Variants in CPA1 observed in about 807,000 individuals in gnomAD.
CPA1 encodes the protein carboxypeptidase A1.
CPA1 carries 42 observed loss-of-function variants against 48.7 expected under a neutral mutation model. The ratio of observed to expected loss-of-function variants is 0.86; its 90% CI spans 0.67 to 1.11. CPA1 has a LOEUF of 1.11. Among genes scored for constraint, CPA1 ranks in the 50% most tolerant of loss-of-function variants. The pLI is 0.00. For missense variants in CPA1, 477 were observed against 544.7 expected, an observed-to-expected ratio of 0.88 and a Z score of 1.24; for synonymous variants, 203 against 217.9, an observed-to-expected ratio of 0.93 and a Z score of 0.60.
In CPA1 at chr7:130,383,503, G is replaced by A. The variant is rs1183786457; in HGVS notation, c.585+11G>A. The A allele has an allele frequency of 4.4e-6, 7 of 1,607,636 alleles. No homozygotes were observed. Among genetic ancestry groups the A allele is most frequent in the Non-Finnish European group, 6.0e-6 (7 of 1,174,674 alleles). The stretch of plus-strand genomic sequence containing the variant: ...TGGTTTGCAAAGAAGGTAAGGCCGG[G>A]GAGGTGAGGAGGGCTCTCACCTGGT... On this transcript the variant is annotated intron_variant, in intron 5 of 9. Coordinates refer to ENST00000011292, the MANE Select transcript of CPA1 (RefSeq NM_001868.4).
Position 130,382,145 on chromosome 7 carries a change from C to G in CPA1, c.419C>G (p.Pro140Arg), listed in dbSNP as rs1186893434. 5.6e-6 allele frequency: 9 copies of G among 1,614,206 alleles called. No homozygotes were observed. In the East Asian group the frequency reaches 2.0e-4, roughly 36 times the overall value. Reference sequence around the variant, plus strand: ...CTGGACCTGCTGGTGGCGGAGAACCCGCACCTTGTCAGCAAGATCCAGATT... The same window carrying G: ...CTGGACCTGCTGGTGGCGGAGAACCGGCACCTTGTCAGCAAGATCCAGATT... ...DFLDLLVAEN[P>R]HLVSKIQIGN... Residue 140 changes from proline (P) to arginine (R), a missense_variant, in exon 4 of 10, where the codon CCG (proline) becomes CGG (arginine). Transcript: ENST00000011292.
Position 130,381,152 on chromosome 7 carries a change from G to A in CPA1, c.120G>A (p.Lys40=). Residue 40 remains lysine (K), a synonymous_variant, in exon 2 of 10, where the codon AAG becomes AAA. Transcript: ENST00000011292. ...VADEAQVQKV[K]ELEDLEHLQL... is the part of the protein sequence containing the mutation. ...ATGAGGCCCAGGTACAGAAGGTGAA[G>A]GAGCTGGAGGACCTGGAGCACCTGC... 3 of 1,613,512 alleles carry A rather than the reference G, an allele frequency of 1.9e-6. No individual in the cohort carries two copies. Among genetic ancestry groups the A allele is most frequent in the Non-Finnish European group, 2.5e-6 (3 of 1,179,766 alleles).
chr7:130,384,695 T>C (rs1554411752), intron 7 of CPA1, 69 bp downstream of exon 7: 6 of 1,255,966 alleles, frequency 4.8e-6, no homozygotes, highest in East Asian at 4.9e-5. Flanking sequence ...CTGCTCTTGC[T>C]CCCCGCCTCT....
Position 130,383,371 on chromosome 7 carries a change from C to A in CPA1, c.484-20C>A, listed in dbSNP as rs369392256. 4.4e-6 allele frequency: 7 copies of A among 1,608,002 alleles called. No individual in the cohort carries two copies. The highest frequency in any genetic ancestry group is 6.0e-6 in the Non-Finnish European group (7 of 1,175,436). ...TCAGCTGTGAAATTGCCTCTGATCA[C>A]TCCCCTGCCTCCTCTCCAGTTCAGC... On this transcript the variant is annotated intron_variant, in intron 4 of 9. Transcript: ENST00000011292.
intron 2 of CPA1, among the ~76,000 whole-genome samples, chr7:130,381,411 G>T (rs1796402043): frequency 6.6e-6 from 1 of 152,056 alleles, no homozygotes; most frequent in Non-Finnish European, 1.5e-5. Context: ...TGTCTCAAAG[G>T]CCCCTCACTC....
chr7:130,387,465 G>C lies in CPA1; in HGVS notation c.1073-359G>C, dbSNP rs1270983977. ...TTCCCCCTCACAGACCAGAGCCCCA[G>C]GGGAACAAATCCTGGTTACCCAAGC... On this transcript the variant is annotated intron_variant, in intron 9 of 9. Coordinates refer to ENST00000011292, the MANE Select transcript of CPA1 (RefSeq NM_001868.4). The surrounding 1 kb of genome is among the most constrained non-coding windows in gnomAD (Gnocchi z 4.6). 2.6e-5 allele frequency among the ~76,000 whole-genome samples: 4 copies of C among 152,184 alleles called. No homozygotes were observed. Among genetic ancestry groups the C allele is most frequent in the African/African-American group, 9.6e-5 (4 of 41,460 alleles).
intron 4 of CPA1, 63 bp from the exon 5 acceptor site, chr7:130,383,328 G>A (rs951087233): frequency 1.7e-5 from 24 of 1,378,218 alleles, no homozygotes; most frequent in Non-Finnish European, 2.4e-5. Context: ...GTCTCCTTCA[G>A]GGCAGCAAGA....
At chr7:130,380,789 C>G in intron 1 of CPA1, 1 of 546,384 alleles carries the variant, frequency 1.8e-6, no homozygotes, top group South Asian at 2.7e-5. Flanking sequence ...CCTGGAGAAA[C>G]CTGAGCTCTG....
At chr7:130,382,340 T>C in intron 4 of CPA1, 131 bp downstream of exon 4, 1 of 685,610 alleles carries the variant, frequency 1.5e-6, no homozygotes. Context: ...ATGCAGACAT[T>C]TGGAAAGGCC....
intron 6 of CPA1, chr7:130,384,022 T>G (rs1796440964): frequency 1.1e-5 from 6 of 564,882 alleles, no homozygotes; most frequent in African/African-American, 1.9e-5. Flanking sequence ...ATCCTAACCT[T>G]ACACCCATTC....
rs782776885 is a variant in CPA1, at chr7:130,385,197, C to T, written c.839C>T (p.Ala280Val). 1 of 1,614,126 alleles carries T rather than the reference C, an allele frequency of 6.2e-7. No individual in the cohort carries two copies. Among genetic ancestry groups the T allele is most frequent in the African/African-American group, 1.3e-5 (1 of 74,942 alleles). The change falls in exon 8 of 10, where the codon GCC becomes GTC. Residue 280 changes from alanine (A) to valine (V), a missense_variant. Coordinates refer to ENST00000011292, the MANE Select transcript of CPA1 (RefSeq NM_001868.4). The part of the protein sequence containing the change: ...PCSETYHGKF[A>V]NSEVEVKSIV... The stretch of plus-strand genomic sequence containing the variant: ...TCGGAGACTTACCACGGCAAGTTTG[C>T]CAATTCCGAAGTGGAGGTCAAGTCC...
At position 130,381,629 on chromosome 7, in the gene CPA1, G is replaced by A. The variant is rs1239743350; in HGVS notation, c.148-1G>A. On this transcript the variant is annotated splice_acceptor_variant, in intron 2 of 9. Transcript: ENST00000011292. LOFTEE classifies it high-confidence loss of function. ...ACCGTGCCGGCTCTTGTCCTCCCCA[G>A]CTGGACTTCTGGCGGGGGCCTGCCC... The A allele has an allele frequency of 6.2e-7, 1 of 1,612,740 alleles. No homozygotes were observed. The highest frequency in any genetic ancestry group is 8.5e-7 in the Non-Finnish European group (1 of 1,179,342).
In CPA1 at chr7:130,385,215, T is replaced by G; in HGVS notation, c.857T>G (p.Val286Gly). 6.2e-7 allele frequency: 1 copy of G among 1,614,152 alleles called. No homozygotes were observed. The highest frequency in any genetic ancestry group is 2.2e-5 in the East Asian group (1 of 44,880). Residue 286 changes from valine to glycine, a missense_variant, in exon 8 of 10, where the codon GTC becomes GGC. Val to Gly is a moderately radical substitution (Grantham distance 109). Coordinates refer to ENST00000011292, the MANE Select transcript of CPA1 (RefSeq NM_001868.4). ...HGKFANSEVE[V>G]KSIVDFVKDH... is the part of the protein sequence containing the mutation. ...AAGTTTGCCAATTCCGAAGTGGAGGTCAAGTCCATTGTAGACTTTGTGAAG... is the reference window on the plus strand; with the variant it reads ...AAGTTTGCCAATTCCGAAGTGGAGGGCAAGTCCATTGTAGACTTTGTGAAG...
In CPA1 at chr7:130,384,600, A is replaced by G. The variant is rs782000958; in HGVS notation, c.761A>G (p.Asn254Ser). The G allele has an allele frequency of 6.2e-7, 1 of 1,614,138 alleles. No homozygotes were observed. The highest frequency in any genetic ancestry group is 8.5e-7 in the Non-Finnish European group (1 of 1,179,998). ...TCCCTCTGTATTGGCGTGGACCCCAACAGGAACTGGGACGCTGGCTTTGGG... is the reference window on the plus strand; with the variant it reads ...TCCCTCTGTATTGGCGTGGACCCCAGCAGGAACTGGGACGCTGGCTTTGGG... ...AGSLCIGVDP[N>S]RNWDAGFGLS... Residue 254 changes from asparagine to serine, a missense_variant, in exon 7 of 10, where the codon AAC (asparagine) becomes AGC (serine). Transcript: ENST00000011292.
Position 130,384,577 on chromosome 7 carries a change from C to T in CPA1, c.738C>T (p.Ser246=). 7 of 1,614,234 alleles carry T rather than the reference C, an allele frequency of 4.3e-6. No individual in the cohort carries two copies. Among genetic ancestry groups the T allele is most frequent in the Non-Finnish European group, 5.9e-6 (7 of 1,180,036 alleles). The part of the protein sequence containing the change: ...WRKTRSHTAG[S]LCIGVDPNRN... ...AGACTCGGTCCCACACAGCAGGCTC[C>T]CTCTGTATTGGCGTGGACCCCAACA... Residue 246 remains serine (S), a synonymous_variant, in exon 7 of 10, where the codon TCC becomes TCT. Coordinates refer to ENST00000011292, the MANE Select transcript of CPA1 (RefSeq NM_001868.4).
rs147790644 is a variant in CPA1 at position 130,380,572 on chromosome 7, G to A, written c.52G>A (p.Glu18Lys). 1.5e-6 allele frequency: 2 copies of A among 1,315,722 alleles called. No homozygotes were observed. Among genetic ancestry groups the A allele is most frequent in the Non-Finnish European group, 2.0e-6 (2 of 1,023,610 alleles). 81.5% of individuals were successfully genotyped at this position (1,315,722 alleles called of 1,614,324 possible). A position where few individuals can be genotyped will look rare whatever the true frequency, so the allele number is the denominator to read the frequency against. The change falls in exon 1 of 10, where the codon GAG (glutamate) becomes AAG (lysine). Residue 18 changes from glutamate (E) to lysine (K), a missense_variant. Glu to Lys is a moderately conservative substitution (Grantham distance 56). Transcript: ENST00000011292. ...SVLLGAVFGKEDFVGHQVLRI... is the reference protein window; with the variant it reads ...SVLLGAVFGKKDFVGHQVLRI... The stretch of plus-strand genomic sequence containing the variant: ...CCTGTTGGGGGCTGTCTTTGGCAAG[G>A]AGGACTTTGTGGGGTAGGGATGTGG...
chr7:130,382,208 AG>A lies in CPA1; in HGVS notation c.483+1del, dbSNP rs782809513. ...GAAGGGCGTCCCATTTACGTGCTGA[AG>A]GTAACATCCACATGTGGACATACAC... ...TYEGRPIYVL[K>X]FSTGGSKRPA... On this transcript the variant is annotated frameshift_variant and splice_region_variant, in exon 4 of 10. Transcript: ENST00000011292. LOFTEE classifies it high-confidence loss of function. 1 of 1,612,796 alleles carries A rather than the reference AG, an allele frequency of 6.2e-7. No homozygotes were observed. Among genetic ancestry groups the A allele is most frequent in the Non-Finnish European group, 8.5e-7 (1 of 1,178,772 alleles).
intron 2 of CPA1, 92 bp from the exon 3 acceptor site, chr7:130,381,538 A>G: frequency 1.1e-6 from 1 of 904,080 alleles, no homozygotes; most frequent in Non-Finnish European, 1.8e-6. Context: ...TTCTGGCACC[A>G]ACAGCCCCTC....
intron 7 of CPA1, chr7:130,384,921 C>A (rs1796453525): frequency 3.3e-6 from 2 of 612,990 alleles, no homozygotes; most frequent in South Asian, 2.0e-5. Flanking sequence ...CTGGTCTCCA[C>A]TGAGGAGCCC....
Sources: gnomAD v4.1 joint callset for allele counts (sites outside exome capture counted in the v4.1 genomes callset) on GRCh38, gnomAD v4.1.1 for gene constraint, Gnocchi (gnomAD v3.1) non-coding constraint, MANE v1.5 for transcripts, NCBI Gene and HGNC (gene_info 2026-07-23, HGNC 2026-07-21) for gene names.